DPP3: variants seen among roughly 807,000 people sequenced by gnomAD.
The protein encoded by DPP3 is DPP III.
In DPP3, 64 loss-of-function variants were observed where a neutral mutation model predicts 89.8. The ratio of observed to expected loss-of-function variants is 0.71; its 90% CI spans 0.58 to 0.88. DPP3 has a LOEUF of 0.88. DPP3 is among the 40% of genes least tolerant of loss of function. The pLI is 0.00. For synonymous variants in DPP3, 377 were observed against 404.3 expected, an observed-to-expected ratio of 0.93 and a Z score of 0.81; for missense variants, 835 against 972.5, an observed-to-expected ratio of 0.86 and a Z score of 1.88.
intron 16 of DPP3, among the ~76,000 whole-genome samples, chr11:66,497,943 A>G (rs572131299): frequency 2.0e-5 from 3 of 151,268 alleles, no homozygotes; most frequent in Admixed American, 6.6e-5. Flanking sequence ...TTGTTTGTTT[A>G]TTTATTTATT....
intron 16 of DPP3, among the ~76,000 whole-genome samples, chr11:66,499,786 A>G (rs982873064): frequency 5.9e-5 from 9 of 152,030 alleles, no homozygotes; most frequent in African/African-American, 2.2e-4. Flanking sequence ...AAAAAAAAAA[A>G]CATATTTTGA....
rs574508209 is a variant in DPP3 at position 66,492,173 on chromosome 11, A to G, written c.988+417A>G. ...CAAATAGCCAGACCTCTGAGCACCA[A>G]TGTGATTAGGATGCAGACTGCTGCA... is the stretch of plus-strand genomic sequence containing the variant. On this transcript the variant is annotated intron_variant, in intron 9 of 17. Transcript: ENST00000531863. Among the ~76,000 whole-genome samples the G allele has an allele frequency of 2.0e-5, 3 of 152,306 alleles. No homozygotes were observed. The East Asian group carries it at 5.8e-4, about 29-fold the overall frequency.
rs201930013 is a variant in DPP3 at position 66,495,259 on chromosome 11, G to T, written c.1443G>T (p.Thr481=). 4 of 1,613,092 alleles carry T rather than the reference G, an allele frequency of 2.5e-6. No individual in the cohort carries two copies. Among genetic ancestry groups the T allele is most frequent in the Non-Finnish European group, 3.4e-6 (4 of 1,180,024 alleles). The change falls in exon 13 of 18, where the codon ACG becomes ACT. Residue 481 remains threonine, a synonymous_variant. Transcript: ENST00000531863. The stretch of plus-strand genomic sequence containing the variant: ...AGGAAACAGTGATCAACCCAGAGAC[G>T]GGCGAGCAGGTGAGGGAGGCCTCAG... ...FDQETVINPE[T]GEQIQSWYRS...
In DPP3 at chr11:66,487,345, T is replaced by G; in HGVS notation, c.573+3T>G. 1.2e-6 allele frequency: 2 copies of G among 1,613,952 alleles called. No individual in the cohort carries two copies. The highest frequency in any genetic ancestry group is 1.7e-6 in the Non-Finnish European group (2 of 1,179,886). ...CCCAGGACTTTCTGGACTCACAGGT[T>G]TGGGGTTAGGGGAGCTCAAGGTAGC... On this transcript the variant is annotated splice_donor_region_variant and intron_variant, in intron 5 of 17. Transcript: ENST00000531863.
intron 17 of DPP3, among the ~76,000 whole-genome samples, chr11:66,505,909 G>A (rs988236512): frequency 3.3e-5 from 5 of 151,474 alleles, no homozygotes; most frequent in Non-Finnish European, 7.4e-5. Context: ...TGAGGAAAAA[G>A]CATTTATTTA....
In DPP3 at chr11:66,487,921, G is replaced by A; in HGVS notation, c.581G>A (p.Ser194Asn). ...AQDFLDSQNL[S>N]AYNTRLFKEV... is the part of the protein sequence containing the mutation. ...TGTCCTGGTCTCTTCTAGAACCTCA[G>A]TGCCTACAACACCCGGCTCTTCAAA... Residue 194 changes from serine (S) to asparagine (N), a missense_variant, in exon 6 of 18, where the codon AGT (serine) becomes AAT (asparagine). Ser to Asn is a conservative substitution (Grantham distance 46). Transcript: ENST00000531863. 6.2e-7 allele frequency: 1 copy of A among 1,614,018 alleles called. No homozygotes were observed.
chr11:66,507,534 C>T (rs1225949840), intron 17 of DPP3, among the ~76,000 whole-genome samples: 1 of 151,782 alleles, frequency 6.6e-6, no homozygotes, highest in African/African-American at 2.4e-5. Context: ...GTGGCCAAAA[C>T]ATATAAACAG....
chr11:66,483,019 CT>C (rs201088116), intron 2 of DPP3: 2 of 139,818 alleles, frequency 1.4e-5, no homozygotes, highest in African/African-American at 2.7e-5. Flanking sequence ...CTTTCTCTCT[CT>C]TTTTTATTTT....
At chr11:66,505,989 G>C (rs138644905) in intron 17 of DPP3, among the ~76,000 whole-genome samples, 4 of 151,974 alleles carry the variant, frequency 2.6e-5, no homozygotes, top group African/African-American at 7.3e-5. Flanking sequence ...TCACTCTGTC[G>C]CCTAGGCTGG....
rs1855379386 is a variant in DPP3, at chr11:66,491,344, C to A, written c.759C>A (p.Pro253=). The A allele has an allele frequency of 6.2e-7, 1 of 1,614,054 alleles. No homozygotes were observed. The highest frequency in any genetic ancestry group is 8.5e-7 in the Non-Finnish European group (1 of 1,180,014). The change falls in exon 7 of 18, where the codon CCC becomes CCA. Residue 253 remains proline (P), a synonymous_variant. Coordinates refer to ENST00000531863, the MANE Select transcript of DPP3 (RefSeq NM_130443.4). ...AGGTGACCCGGGGGGACTACGCGCC[C>A]ATCCTCCAGAAGGTGGTGGAGCAGC... ...PFQVTRGDYA[P]ILQKVVEQLE...
chr11:66,502,671 A>G (rs1365364639), intron 16 of DPP3, among the ~76,000 whole-genome samples: 1 of 152,070 alleles, frequency 6.6e-6, no homozygotes, highest in Admixed American at 6.6e-5. Context: ...ACCCCATGTT[A>G]GCCAGGATGG....
intron 9 of DPP3, 26 bp downstream of exon 9, chr11:66,491,782 T>G: frequency 6.2e-7 from 1 of 1,612,392 alleles, no homozygotes; most frequent in Non-Finnish European, 8.5e-7. Flanking sequence ...AGGAGGTCAG[T>G]CACAGTCCCT....
intron 17 of DPP3, among the ~76,000 whole-genome samples, chr11:66,508,724 C>T (rs1284501431): frequency 6.6e-6 from 1 of 152,066 alleles, no homozygotes; most frequent in Non-Finnish European, 1.5e-5. Context: ...AGTGTTTCAT[C>T]ATGTTGGCCA....
Position 66,509,127 on chromosome 11 carries a change from T to C in DPP3, c.2090T>C (p.Ile697Thr). The change falls in exon 18 of 18, where the codon ATC (isoleucine) becomes ACC (threonine). Residue 697 changes from isoleucine (I) to threonine (T), a missense_variant. By Grantham distance (89) the Ile-to-Thr change is moderately conservative. Coordinates refer to ENST00000531863, the MANE Select transcript of DPP3 (RefSeq NM_130443.4). ...LEYEASAAGL[I>T]RSFSERFPED... ...TACGAGGCGTCAGCTGCTGGCCTCA[T>C]CCGATCCTTCTCTGAGCGTTTCCCA... is the stretch of plus-strand genomic sequence containing the variant. The C allele has an allele frequency of 6.2e-7, 1 of 1,614,190 alleles. No individual in the cohort carries two copies. The highest frequency in any genetic ancestry group is 8.5e-7 in the Non-Finnish European group (1 of 1,180,042).
chr11:66,494,191 C>T (rs1347757146), intron 12 of DPP3, among the ~76,000 whole-genome samples: 1 of 152,198 alleles, frequency 6.6e-6, no homozygotes. Flanking sequence ...CCCCTCCATA[C>T]CTACCCAGGG....
At chr11:66,503,897 G>C (rs1481887943) in intron 16 of DPP3, among the ~76,000 whole-genome samples, 1 of 151,362 alleles carries the variant, frequency 6.6e-6, no homozygotes, top group South Asian at 2.1e-4. Context: ...AAAAAAAAAA[G>C]ATCACAAATT....
chr11:66,491,860 C>A (rs1024859262), intron 9 of DPP3, 104 bp downstream of exon 9: 2 of 1,264,988 alleles, frequency 1.6e-6, no homozygotes, highest in Non-Finnish European at 2.3e-6. Flanking sequence ...TCAGCCATAA[C>A]CATAACAGTA....
chr11:66,503,746 G>A (rs1022598847), intron 16 of DPP3, among the ~76,000 whole-genome samples: 1 of 152,176 alleles, frequency 6.6e-6, no homozygotes, highest in Non-Finnish European at 1.5e-5. Flanking sequence ...ATTTAGCCGG[G>A]CGTGGTGGCA....
In DPP3 at chr11:66,509,495, C is replaced by A. The variant is rs1237711332; in HGVS notation, c.*244C>A. The stretch of plus-strand genomic sequence containing the variant: ...CGTGGAGTGAGCAAGACAGGGCTTA[C>A]CATCCTGTCTACCAGATGAGGAAAT... On this transcript the variant is annotated 3_prime_UTR_variant, in exon 18 of 18. Transcript: ENST00000531863. 1 of 1,294,930 alleles carries A rather than the reference C, an allele frequency of 7.7e-7. No homozygotes were observed. The highest frequency in any genetic ancestry group is 2.0e-5 in the Admixed American group (1 of 50,676). The allele number at this position is 1,294,930 out of a possible 1,614,324, so 80.2% of individuals were successfully genotyped here.
Sources: gnomAD v4.1 joint callset for allele counts (sites outside exome capture counted in the v4.1 genomes callset) on GRCh38, gnomAD v4.1.1 for gene constraint, MANE v1.5 for transcripts, NCBI Gene and HGNC (gene_info 2026-07-23, HGNC 2026-07-21) for gene names.